The following GLIS1 variants were observed in gnomAD, a reference collection of about 807,000 sequenced individuals.
GLIS1 encodes the protein GLIS family zinc finger 1.
A neutral mutation model predicts 63.8 loss-of-function variants in GLIS1; 24 were observed. The ratio of observed to expected loss-of-function variants is 0.38; its 90% CI spans 0.27 to 0.53. The LOEUF (loss-of-function observed/expected upper bound fraction) is 0.53. Among genes scored for constraint, GLIS1 ranks in the 20% least tolerant of loss-of-function variants. The pLI is 0.85. For missense variants in GLIS1, 1,036 were observed against 1,074.1 expected (o/e 0.96, Z 0.50); for synonymous variants, 450 against 482.5 (o/e 0.93, Z 0.88).
chr1:53,608,154 G>A (rs941595824), intron 2 of GLIS1, among the ~76,000 whole-genome samples: 84 of 152,016 alleles, frequency 5.5e-4, no homozygotes, highest in African/African-American at 2.0e-3. Flanking sequence ...TTAGAGATGA[G>A]GTCTCACTAT....
rs947237613 is a variant in GLIS1, at chr1:53,506,693, C to T, written c.2314G>A (p.Asp772Asn). ...GCTCCATTGGGGAAGAAGCCACAGT[C>T]CTCGGGGCCGCTGGACACCACATCT... Reference protein sequence around the residue: ...SEDVVSSGPEDCGFFPNGAFD... With the variant: ...SEDVVSSGPENCGFFPNGAFD... The change falls in exon 11 of 11, where the codon GAC becomes AAC. Residue 772 changes from aspartate to asparagine, a missense_variant. This residue lies in a region of GLIS1 where 400 missense variants were observed against 400.9 expected (regional missense o/e 1.00). Transcript: ENST00000628545. The T allele has an allele frequency of 1.2e-6, 2 of 1,613,428 alleles. No homozygotes were observed.
chr1:53,517,451 T>C (rs1386288256), intron 7 of GLIS1, among the ~76,000 whole-genome samples: 1 of 152,076 alleles, frequency 6.6e-6, no homozygotes, highest in Non-Finnish European at 1.5e-5. Context: ...CACTCACTAC[T>C]CTCCTTAGCA....
intron 4 of GLIS1, among the ~76,000 whole-genome samples, chr1:53,542,624 C>T (rs898638635): frequency 6.6e-6 from 1 of 152,226 alleles, no homozygotes; most frequent in African/African-American, 2.4e-5. Flanking sequence ...TACTTCCACC[C>T]TCAAACGATG....
At position 53,524,781 on chromosome 1, in the gene GLIS1, T is replaced by G. The variant is rs1280434022; in HGVS notation, c.1589A>C (p.Lys530Thr). ...AHSAKEQQVR[K>T]KLHAGPDTEA... Reference sequence around the variant, plus strand: ...AGATGAGGAGGGCTGGCTTACCTTCTTACGCACCTGCTGCTCTTTGGCTGA... The same window carrying G: ...AGATGAGGAGGGCTGGCTTACCTTCGTACGCACCTGCTGCTCTTTGGCTGA... The change falls in exon 6 of 11, where the codon AAG becomes ACG. Residue 530 changes from lysine to threonine, a missense_variant. Around this residue, in one of 3 missense-constraint regions of GLIS1, gnomAD observed 400 missense variants for 400.9 expected, o/e 1.00. Coordinates refer to ENST00000628545, the MANE Select transcript of GLIS1 (RefSeq NM_001367484.1). The G allele has an allele frequency of 6.2e-7, 1 of 1,612,572 alleles. No individual in the cohort carries two copies. The highest frequency in any genetic ancestry group is 2.2e-5 in the East Asian group (1 of 44,878).
At chr1:53,691,569 C>T (rs578172480) in intron 2 of GLIS1, among the ~76,000 whole-genome samples, 59 of 152,262 alleles carry the variant, frequency 3.9e-4, no homozygotes, top group Middle Eastern at 6.8e-3. Context: ...AGCTCCTCCA[C>T]CACTGCTCCT....
Position 53,508,368 on chromosome 1 carries a change from G to A in GLIS1, c.2230+752C>T, listed in dbSNP as rs367560181. Among the ~76,000 whole-genome samples the A allele has an allele frequency of 1.8e-3, 276 of 152,202 alleles. 1 individual carries two copies. Among genetic ancestry groups the A allele is most frequent in the African/African-American group, 6.1e-3 (255 of 41,518 alleles). On this transcript the variant is annotated intron_variant, in intron 10 of 10. Transcript: ENST00000628545. ...TATATACCTGTCCCTCCACCCTCCC[G>A]CTCACTACCTCAAAGCTGCCCCAAG...
chr1:53,528,597 T>A (rs1374697184), intron 5 of GLIS1, among the ~76,000 whole-genome samples: 1 of 152,112 alleles, frequency 6.6e-6, no homozygotes, highest in African/African-American at 2.4e-5. Flanking sequence ...CCTGCTGTTT[T>A]CTGGGCACTG....
At chr1:53,547,979 A>T (rs1644721434) in intron 4 of GLIS1, among the ~76,000 whole-genome samples, 1 of 152,256 alleles carries the variant, frequency 6.6e-6, no homozygotes, top group South Asian at 2.1e-4. Flanking sequence ...TGCAATAAGC[A>T]TATAAAACTT....
chr1:53,646,587 A>T lies in GLIS1; in HGVS notation c.260-46309T>A, dbSNP rs558541639. On this transcript the variant is annotated intron_variant, in intron 2 of 10. Transcript: ENST00000628545. This position sits in a 1 kb window ranked among gnomAD's most constrained non-coding sequence, Gnocchi z 4.2. ...CGCTTTGGGAGGCTAAGGTGGGTGG[A>T]TCAGTTGAGGTCAGGAGTTTGAGAC... Among the ~76,000 whole-genome samples, 1 of 152,300 alleles carries T rather than the reference A, an allele frequency of 6.6e-6. No homozygotes were observed. Among genetic ancestry groups the T allele is most frequent in the South Asian group, 2.1e-4 (1 of 4,824 alleles).
intron 4 of GLIS1, among the ~76,000 whole-genome samples, chr1:53,537,329 G>A (rs1392558798): frequency 6.6e-6 from 1 of 152,216 alleles, no homozygotes; most frequent in Non-Finnish European, 1.5e-5. Flanking sequence ...AGCATGCAGG[G>A]GAGCCCCAGC....
At chr1:53,550,426 T>G (rs1440020251) in intron 4 of GLIS1, among the ~76,000 whole-genome samples, 1 of 152,200 alleles carries the variant, frequency 6.6e-6, no homozygotes, top group Non-Finnish European at 1.5e-5. Flanking sequence ...GACATGACAG[T>G]GCGTAGAGCG....
intron 2 of GLIS1, among the ~76,000 whole-genome samples, chr1:53,632,901 ATGTGAATGAGAGG>A (rs1645677159): frequency 1.5e-5 from 1 of 67,018 alleles, no homozygotes; most frequent in Non-Finnish European, 3.1e-5. Context: ...GTGTGAATGA[ATGTGAATGAGAGG>A]TGTGAATGAG....
chr1:53,608,323 T>A (rs780147836), intron 2 of GLIS1, among the ~76,000 whole-genome samples: 1 of 152,198 alleles, frequency 6.6e-6, no homozygotes, highest in African/African-American at 2.4e-5. Flanking sequence ...TATGACCTCA[T>A]TTAACTTTAA....
intron 2 of GLIS1, among the ~76,000 whole-genome samples, chr1:53,709,350 A>G (rs1646615324): frequency 1.1e-5 from 1 of 93,328 alleles, no homozygotes; most frequent in Non-Finnish European, 2.4e-5. Context: ...ACATATATAC[A>G]TATATATACA....
rs181158408 is a variant in GLIS1, at chr1:53,714,115, T to C, written c.259+23691A>G. On this transcript the variant is annotated intron_variant, in intron 2 of 10. Coordinates refer to ENST00000628545, the MANE Select transcript of GLIS1 (RefSeq NM_001367484.1). ...GGAAACAGCAATGGGGTTTTGTTGT[T>C]AGAAATACAAACAAGGTCCAAAGTT... Among the ~76,000 whole-genome samples the C allele has an allele frequency of 5.9e-5, 9 of 152,316 alleles. No homozygotes were observed. The East Asian group carries it at 1.7e-3, about 29-fold the overall frequency.
chr1:53,693,360 T>C (rs1646428370), intron 2 of GLIS1, among the ~76,000 whole-genome samples: 1 of 140,664 alleles, frequency 7.1e-6, no homozygotes, highest in African/African-American at 2.8e-5. Flanking sequence ...AGAAGATCCA[T>C]CTTCCCTGCT....
At chr1:53,717,924 G>C (rs970499847) in intron 2 of GLIS1, among the ~76,000 whole-genome samples, 1 of 152,094 alleles carries the variant, frequency 6.6e-6, no homozygotes, top group Admixed American at 6.5e-5. Context: ...GCAGGCACAT[G>C]ACCTAGGCTC....
At chr1:53,609,784 T>C (rs1223116807) in intron 2 of GLIS1, among the ~76,000 whole-genome samples, 3 of 152,232 alleles carry the variant, frequency 2.0e-5, no homozygotes, top group African/African-American at 4.8e-5. Flanking sequence ...GTGAACATCA[T>C]AGAATGTACT....
In GLIS1 at chr1:53,506,744, TG is replaced by T; in HGVS notation, c.2262del (p.Thr755GlnfsTer70). 1 of 1,612,396 alleles carries T rather than the reference TG, an allele frequency of 6.2e-7. No homozygotes were observed. Among genetic ancestry groups the T allele is most frequent in the Non-Finnish European group, 8.5e-7 (1 of 1,179,922 alleles). ...TCAGATGGCTGCTGTGGCAGCGCTG[TG>T]GGGCATGAGGCCTCAGCCAGGGCCT... ...GYEALAEASCPTALPQQPSED... is the reference protein window; with the variant it reads ...GYEALAEASCXTALPQQPSED... On this transcript the variant is annotated frameshift_variant, in exon 11 of 11. Coordinates refer to ENST00000628545, the MANE Select transcript of GLIS1 (RefSeq NM_001367484.1). LOFTEE classifies it high-confidence loss of function.
Sources: allele counts gnomAD v4.1 joint callset (sites outside exome capture counted in the v4.1 genomes callset), GRCh38; gene constraint gnomAD v4.1.1; regional missense constraint gnomAD v4.1.1; non-coding constraint Gnocchi (gnomAD v3.1); transcripts MANE v1.5; gene names NCBI Gene and HGNC (gene_info 2026-07-23, HGNC 2026-07-21).